GOLM2: variants seen among roughly 807,000 people sequenced by gnomAD.
GOLM2 encodes the protein protein GOLM2.
In GOLM2, 26 loss-of-function variants were observed where a neutral mutation model predicts 55.9. That is an observed-to-expected ratio of 0.47 (90% CI 0.34 to 0.65). GOLM2 has a LOEUF of 0.65. GOLM2 is among the 30% of genes least tolerant of loss of function. The probability of loss-of-function intolerance (pLI) is 0.01; values close to 1 mark genes in which losing one functional copy is unlikely to be tolerated. For missense variants in GOLM2, 486 were observed against 531.8 expected (o/e 0.91, Z 0.85); for synonymous variants, 165 against 194.6 (o/e 0.85, Z 1.27).
At chr15:44,355,915 A>G (rs1444188621) in intron 6 of GOLM2, among the ~76,000 whole-genome samples, 1 of 152,212 alleles carries the variant, frequency 6.6e-6, no homozygotes, top group East Asian at 1.9e-4. Flanking sequence ...AATAAAATAA[A>G]ATAATAGAAA....
chr15:44,363,822 A>C (rs1413569014), intron 6 of GOLM2, among the ~76,000 whole-genome samples: 1 of 152,074 alleles, frequency 6.6e-6, no homozygotes, highest in African/African-American at 2.4e-5. Flanking sequence ...GACTGGATTA[A>C]GAAAATGTGG....
intron 9 of GOLM2, 32 bp from the exon 10 acceptor site, chr15:44,413,304 A>C (rs750279927): frequency 6.6e-7 from 1 of 1,517,156 alleles, no homozygotes; most frequent in African/African-American, 1.4e-5. Context: ...TTTAAAAAAT[A>C]ATATGTTGAT....
intron 6 of GOLM2, among the ~76,000 whole-genome samples, chr15:44,367,533 T>C (rs530760783): frequency 6.6e-6 from 1 of 152,266 alleles, no homozygotes; most frequent in African/African-American, 2.4e-5. Context: ...CAGTGGCTCA[T>C]GCCTGTAATC....
chr15:44,388,236 T>C (rs1229526789), intron 8 of GOLM2, among the ~76,000 whole-genome samples: 1 of 139,256 alleles, frequency 7.2e-6, no homozygotes, highest in African/African-American at 2.7e-5. Context: ...ATTGCGCCAC[T>C]GTACTCCAGC....
chr15:44,412,844 A>C (rs1445050785), intron 9 of GOLM2, among the ~76,000 whole-genome samples: 1 of 152,102 alleles, frequency 6.6e-6, no homozygotes, highest in East Asian at 1.9e-4. Context: ...CTCTACTAAA[A>C]ATACAGAAAT....
Position 44,288,798 on chromosome 15 carries a change from G to A in GOLM2, c.-232G>A, listed in dbSNP as rs1248609242. 1.3e-5 allele frequency: 7 copies of A among 559,624 alleles called. No individual in the cohort carries two copies. The highest frequency in any genetic ancestry group is 1.9e-5 in the Non-Finnish European group (6 of 318,340). The allele number at this position is 559,624 out of a possible 1,614,324, so 34.7% of individuals were successfully genotyped here. A position where few individuals can be genotyped will look rare whatever the true frequency, so the allele number is the denominator to read the frequency against. On this transcript the variant is annotated 5_prime_UTR_variant, in exon 1 of 10. Transcript: ENST00000299957. ...CCCGGTTCCCTTGGGCAGGTGCAGGGTCGGGTTCAAAGCCTCCGGAACGCG... is the reference window on the plus strand; with the variant it reads ...CCCGGTTCCCTTGGGCAGGTGCAGGATCGGGTTCAAAGCCTCCGGAACGCG...
intron 4 of GOLM2, among the ~76,000 whole-genome samples, chr15:44,333,950 C>G (rs956200162): frequency 6.6e-6 from 1 of 152,220 alleles, no homozygotes; most frequent in South Asian, 2.1e-4. Context: ...CTCCCGACCT[C>G]GTGATCTGCC....
intron 6 of GOLM2, among the ~76,000 whole-genome samples, chr15:44,340,837 G>A (rs1355640601): frequency 2.0e-5 from 3 of 152,158 alleles, no homozygotes; most frequent in African/African-American, 7.2e-5. Context: ...CCTAGGCACA[G>A]TTGAGTTTTA....
At chr15:44,355,122 A>G in intron 6 of GOLM2, 1 of 194,034 alleles carries the variant, frequency 5.2e-6, no homozygotes, top group Non-Finnish European at 1.1e-5. Context: ...CCTCACAATC[A>G]TCAGCATTGC....
intron 3 of GOLM2, among the ~76,000 whole-genome samples, chr15:44,329,223 C>G (rs1185207605): frequency 1.3e-5 from 2 of 152,158 alleles, no homozygotes; most frequent in Admixed American, 6.6e-5. Context: ...TTGCTGATAC[C>G]TCTACACTTG....
At chr15:44,294,090 C>A (rs931902235) in intron 1 of GOLM2, among the ~76,000 whole-genome samples, 2 of 152,180 alleles carry the variant, frequency 1.3e-5, no homozygotes, top group African/African-American at 4.8e-5. Context: ...GTATCCCCTT[C>A]TTACTTTTAT....
At chr15:44,386,310 T>C (rs1347215824) in intron 8 of GOLM2, among the ~76,000 whole-genome samples, 2 of 152,212 alleles carry the variant, frequency 1.3e-5, no homozygotes, top group African/African-American at 4.8e-5. Flanking sequence ...CATTGAACAA[T>C]CTTGGTATCC....
intron 1 of GOLM2, among the ~76,000 whole-genome samples, chr15:44,303,106 A>C (rs556979675): frequency 0.026 from 1,501 of 58,292 alleles, 29 homozygotes; most frequent in African/African-American, 0.071. Flanking sequence ...CCATCTCAAT[A>C]AATAAATAAA....
intron 1 of GOLM2, among the ~76,000 whole-genome samples, chr15:44,313,425 T>C (rs973983336): frequency 2.6e-5 from 4 of 152,222 alleles, no homozygotes; most frequent in African/African-American, 9.6e-5. Context: ...GTTTACTTCT[T>C]AGTCTCCTTT....
intron 3 of GOLM2, among the ~76,000 whole-genome samples, chr15:44,331,485 G>A (rs2079021920): frequency 1.3e-5 from 2 of 152,074 alleles, no homozygotes; most frequent in South Asian, 2.1e-4. Flanking sequence ...TTCTCCTGAT[G>A]GCACCAGTCT....
chr15:44,317,363 C>T (rs2141126049), intron 1 of GOLM2, among the ~76,000 whole-genome samples: 1 of 152,198 alleles, frequency 6.6e-6, no homozygotes, highest in Middle Eastern at 3.4e-3. Flanking sequence ...GGCAGTAGGG[C>T]AAGACCCTGT....
At chr15:44,364,114 C>T (rs549653307) in intron 6 of GOLM2, among the ~76,000 whole-genome samples, 2 of 151,952 alleles carry the variant, frequency 1.3e-5, no homozygotes, top group Non-Finnish European at 2.9e-5. Flanking sequence ...TAGTGGGTGC[C>T]GCGCACCAGC....
chr15:44,362,927 A>G (rs1473463692), intron 6 of GOLM2, among the ~76,000 whole-genome samples: 3 of 152,206 alleles, frequency 2.0e-5, no homozygotes, highest in Non-Finnish European at 4.4e-5. Context: ...AACCTGAGAA[A>G]AACAAGCAAT....
At chr15:44,376,587 C>T (rs1338560995) in intron 6 of GOLM2, among the ~76,000 whole-genome samples, 1 of 151,964 alleles carries the variant, frequency 6.6e-6, no homozygotes, top group African/African-American at 2.4e-5. Flanking sequence ...AAACAGGTTA[C>T]AAGAAAACAA....
Sources: allele counts gnomAD v4.1 joint callset (sites outside exome capture counted in the v4.1 genomes callset), GRCh38; gene constraint gnomAD v4.1.1; transcripts MANE v1.5; gene names NCBI Gene and HGNC (gene_info 2026-07-23, HGNC 2026-07-21).